Variants in UBE2E2 observed in about 807,000 individuals in gnomAD.
UBE2E2 encodes the protein ubiquitin conjugating enzyme E2 E2, also known as ubiquitin-conjugating enzyme E2 E2.
Under a neutral mutation model 24.7 loss-of-function variants are expected in UBE2E2, and 6 were observed. That is an observed-to-expected ratio of 0.24 (90% CI 0.13 to 0.48). UBE2E2 has a LOEUF of 0.48. Ranked by LOEUF, UBE2E2 falls within the 20% of genes least tolerant of loss-of-function variation. UBE2E2 has a pLI of 0.99. For synonymous variants in UBE2E2, 104 were observed against 83.6 expected, an observed-to-expected ratio of 1.24 and a Z score of -1.33; for missense variants, 169 against 245.0, an observed-to-expected ratio of 0.69 and a Z score of 2.07.
intron 3 of UBE2E2, among the ~76,000 whole-genome samples, chr3:23,282,580 A>G (rs888493157): frequency 6.6e-6 from 1 of 152,186 alleles, no homozygotes; most frequent in African/African-American, 2.4e-5. Context: ...CTTTAGAGTA[A>G]TACTACATTT....
chr3:23,224,337 A>G (rs910094778), intron 3 of UBE2E2, among the ~76,000 whole-genome samples: 13 of 151,734 alleles, frequency 8.6e-5, no homozygotes, highest in Admixed American at 2.6e-4. Context: ...TATTTATTTC[A>G]TCAGTTTTAT....
chr3:23,505,076 TTG>T (rs1426158969), intron 4 of UBE2E2, among the ~76,000 whole-genome samples: 10 of 101,212 alleles, frequency 9.9e-5, no homozygotes, highest in African/African-American at 4.0e-4. Context: ...TGGCTAATTT[TTG>T]TTTTTTTTTT....
At chr3:23,296,727 GT>G (rs1489236983) in intron 3 of UBE2E2, among the ~76,000 whole-genome samples, 2 of 152,152 alleles carry the variant, frequency 1.3e-5, no homozygotes, top group African/African-American at 2.4e-5. Context: ...ATTTAGGTTG[GT>G]TCCAAGTCTT....
intron 3 of UBE2E2, among the ~76,000 whole-genome samples, chr3:23,443,503 G>T (rs1698351152): frequency 6.6e-6 from 1 of 152,192 alleles, no homozygotes; most frequent in South Asian, 2.1e-4. Context: ...AAAGGAGGAA[G>T]AATTTTTTCA....
At chr3:23,294,280 G>A (rs1476041346) in intron 3 of UBE2E2, among the ~76,000 whole-genome samples, 2 of 152,046 alleles carry the variant, frequency 1.3e-5, no homozygotes, top group African/African-American at 2.4e-5. Context: ...TAATAAATCA[G>A]TATGTGCAGT....
chr3:23,360,982 G>T (rs1696098833), intron 3 of UBE2E2, among the ~76,000 whole-genome samples: 1 of 148,364 alleles, frequency 6.7e-6, no homozygotes, highest in Non-Finnish European at 1.5e-5. Context: ...AAACAAATCA[G>T]CAAGAAAAAA....
intron 3 of UBE2E2, among the ~76,000 whole-genome samples, chr3:23,350,482 CTT>C (rs1559357299): frequency 6.6e-6 from 1 of 152,098 alleles, no homozygotes. Flanking sequence ...AAGTAAAAAA[CTT>C]TGAAAAAAAT....
At chr3:23,225,890 T>C (rs1335187940) in intron 3 of UBE2E2, among the ~76,000 whole-genome samples, 2 of 152,114 alleles carry the variant, frequency 1.3e-5, no homozygotes, top group African/African-American at 4.8e-5. Flanking sequence ...TTTTTTGTTT[T>C]TGTTTTTGAG....
intron 1 of UBE2E2, 66 bp downstream of exon 1, chr3:23,203,530 T>C (rs1417975206): frequency 1.1e-5 from 10 of 920,960 alleles, no homozygotes; most frequent in Non-Finnish European, 1.3e-5. Flanking sequence ...GACGTCCTCC[T>C]CACTCCCCCG....
chr3:23,210,348 T>G (rs964378674), intron 2 of UBE2E2, among the ~76,000 whole-genome samples: 1 of 152,182 alleles, frequency 6.6e-6, no homozygotes, highest in African/African-American at 2.4e-5. Context: ...GGGCCTGTGC[T>G]TTATTCTATG....
At chr3:23,310,578 GATTCAAGTT>G (rs1694348235) in intron 3 of UBE2E2, among the ~76,000 whole-genome samples, 2 of 152,094 alleles carry the variant, frequency 1.3e-5, no homozygotes, top group South Asian at 4.2e-4. Flanking sequence ...GAAGTTGAAG[GATTCAAGTT>G]AAAGGATAAC....
chr3:23,402,552 C>G (rs1295553719), intron 3 of UBE2E2, among the ~76,000 whole-genome samples: 4 of 152,122 alleles, frequency 2.6e-5, no homozygotes, highest in Admixed American at 2.6e-4. Flanking sequence ...GCCCACATGT[C>G]CTGAAGATTT....
chr3:23,434,050 C>A (rs1261744478), intron 3 of UBE2E2, among the ~76,000 whole-genome samples: 1 of 152,058 alleles, frequency 6.6e-6, no homozygotes, highest in East Asian at 1.9e-4. Flanking sequence ...AGCTAATATG[C>A]ACTGTCTGAA....
intron 3 of UBE2E2, among the ~76,000 whole-genome samples, chr3:23,334,413 G>A (rs564005881): frequency 2.0e-4 from 31 of 152,176 alleles, no homozygotes; most frequent in Admixed American, 5.2e-4. Flanking sequence ...AGCCGTTGGT[G>A]TGTAAACGTC....
At chr3:23,519,250 T>TG (rs1360342298) in intron 4 of UBE2E2, among the ~76,000 whole-genome samples, 1 of 72,404 alleles carries the variant, frequency 1.4e-5, no homozygotes. Context: ...TTTACCAAGG[T>TG]TTTTTTTTTT....
chr3:23,264,620 G>A (rs73037711), intron 3 of UBE2E2, among the ~76,000 whole-genome samples: 2,771 of 152,286 alleles, frequency 0.018, 29 homozygotes, highest in Middle Eastern at 0.037. Flanking sequence ...GAGAGATCAT[G>A]ATGATGTGGC....
At chr3:23,477,464 G>A (rs1220003797) in intron 3 of UBE2E2, among the ~76,000 whole-genome samples, 1 of 152,062 alleles carries the variant, frequency 6.6e-6, no homozygotes, top group Non-Finnish European at 1.5e-5. Context: ...ATGTATACTT[G>A]TTTATTTGCT....
In UBE2E2 at chr3:23,252,080, C is replaced by G. The variant is rs1012765005; in HGVS notation, c.227+34768C>G. ...CTTTTTGGCCTAATTGACTATTTCT[C>G]TGCAACAAAAAAATTAGTTAAACTG... On this transcript the variant is annotated intron_variant, in intron 3 of 5. Coordinates refer to ENST00000396703, the MANE Select transcript of UBE2E2 (RefSeq NM_152653.4). Among the ~76,000 whole-genome samples, 4 of 152,056 alleles carry G rather than the reference C, an allele frequency of 2.6e-5. No homozygotes were observed. The East Asian group carries it at 5.8e-4, about 22-fold the overall frequency.
chr3:23,273,754 G>GT (rs1698312455), intron 3 of UBE2E2: 1 of 152,242 alleles, frequency 6.6e-6, no homozygotes, highest in African/African-American at 2.4e-5. Flanking sequence ...CTGGTTTCCA[G>GT]TATTATTTTT....
Sources: allele counts gnomAD v4.1 joint callset (sites outside exome capture counted in the v4.1 genomes callset), GRCh38; gene constraint gnomAD v4.1.1; transcripts MANE v1.5; gene names NCBI Gene and HGNC (gene_info 2026-07-23, HGNC 2026-07-21).